The following SLC16A10 variants were observed in gnomAD, a reference collection of about 807,000 sequenced individuals.
SLC16A10 encodes solute carrier family 16 member 10.
A neutral mutation model predicts 40.0 loss-of-function variants in SLC16A10; 27 were observed. The observed-to-expected ratio is 0.67, with a 90% CI of 0.50 to 0.93. The LOEUF is 0.93. Ranked by LOEUF, SLC16A10 falls within the 40% of genes least tolerant of loss-of-function variation. The pLI is 0.00. For missense variants in SLC16A10, 529 were observed against 658.2 expected (o/e 0.80, Z 2.15); for synonymous variants, 213 against 249.8 (o/e 0.85, Z 1.39).
At chr6:111,088,220 G>A in intron 1 of SLC16A10, 125 bp downstream of exon 1, 1 of 925,254 alleles carries the variant, frequency 1.1e-6, no homozygotes, top group East Asian at 3.0e-5. Context: ...CAGAGGGTGC[G>A]AGCAGGGGGG....
intron 1 of SLC16A10, among the ~76,000 whole-genome samples, chr6:111,093,394 G>C (rs1021579461): frequency 6.6e-6 from 1 of 152,182 alleles, no homozygotes; most frequent in Non-Finnish European, 1.5e-5. Flanking sequence ...GTAGCATTTA[G>C]GGATGAATGA....
In SLC16A10 at chr6:111,163,363, G is replaced by A. The variant is rs567048185; in HGVS notation, c.344-9332G>A. Among the ~76,000 whole-genome samples the A allele has an allele frequency of 6.3e-3, 960 of 151,232 alleles. 2 individuals are homozygous for A. The highest frequency in any genetic ancestry group is 0.024 in the Middle Eastern group (7 of 292). On this transcript the variant is annotated intron_variant, in intron 1 of 5. Coordinates refer to ENST00000368851, the MANE Select transcript of SLC16A10 (RefSeq NM_018593.5). Reference sequence around the variant, plus strand: ...GAGACGGGGTTTCACCGTTTTAGCCGGGATGGTCTCGATCTCCTGACCTCG... The same window carrying A: ...GAGACGGGGTTTCACCGTTTTAGCCAGGATGGTCTCGATCTCCTGACCTCG...
intron 4 of SLC16A10, among the ~76,000 whole-genome samples, chr6:111,217,155 T>C (rs1773438942): frequency 6.6e-6 from 1 of 152,262 alleles, no homozygotes; most frequent in South Asian, 2.1e-4. Flanking sequence ...AGCCTGCTGC[T>C]GCCCCCGTGG....
intron 3 of SLC16A10, among the ~76,000 whole-genome samples, chr6:111,189,629 G>C (rs1054327646): frequency 6.6e-6 from 1 of 152,136 alleles, no homozygotes; most frequent in South Asian, 2.1e-4. Context: ...GGCTGGGTAG[G>C]CTTCACAGTC....
At chr6:111,213,465 G>T (rs1169339562) in intron 4 of SLC16A10, among the ~76,000 whole-genome samples, 3 of 152,188 alleles carry the variant, frequency 2.0e-5, no homozygotes, top group Non-Finnish European at 4.4e-5. Context: ...TCCGGTTCAG[G>T]TAGAATGAAT....
chr6:111,090,114 C>T (rs1266049998), intron 1 of SLC16A10, among the ~76,000 whole-genome samples: 4 of 151,676 alleles, frequency 2.6e-5, no homozygotes, highest in Non-Finnish European at 4.4e-5. Flanking sequence ...TTTTCTTTTG[C>T]ACTCTGTGGA....
intron 1 of SLC16A10, among the ~76,000 whole-genome samples, chr6:111,167,181 C>T (rs9487593): frequency 0.044 from 6,644 of 152,258 alleles, 344 homozygotes; most frequent in African/African-American, 0.13. Context: ...TAGTTGGTCA[C>T]TGCATGTAGA....
intron 1 of SLC16A10, among the ~76,000 whole-genome samples, chr6:111,114,014 G>C (rs970949276): frequency 6.6e-6 from 1 of 152,142 alleles, no homozygotes; most frequent in Non-Finnish European, 1.5e-5. Context: ...ATCAAATTTA[G>C]TTATTCAGAC....
At chr6:111,150,627 T>C (rs1241525777) in intron 1 of SLC16A10, among the ~76,000 whole-genome samples, 4 of 152,182 alleles carry the variant, frequency 2.6e-5, no homozygotes, top group Non-Finnish European at 2.9e-5. Flanking sequence ...ATCAGAGAAT[T>C]TGGACCTCCT....
At chr6:111,196,304 C>T (rs1773079248) in intron 3 of SLC16A10, among the ~76,000 whole-genome samples, 1 of 152,076 alleles carries the variant, frequency 6.6e-6, no homozygotes, top group Non-Finnish European at 1.5e-5. Context: ...CACCACTGCA[C>T]TGCAGCCTGG....
chr6:111,116,894 A>G (rs929574163), intron 1 of SLC16A10, among the ~76,000 whole-genome samples: 1 of 152,194 alleles, frequency 6.6e-6, no homozygotes, highest in Non-Finnish European at 1.5e-5. Flanking sequence ...GGGATACTAG[A>G]AAACTAAAAG....
intron 2 of SLC16A10, among the ~76,000 whole-genome samples, chr6:111,175,342 A>G (rs1334333424): frequency 1.3e-5 from 2 of 152,188 alleles, no homozygotes; most frequent in African/African-American, 4.8e-5. Flanking sequence ...TAAAGCTCAT[A>G]TACTTCACTC....
intron 1 of SLC16A10, among the ~76,000 whole-genome samples, chr6:111,092,390 G>A (rs1039808370): frequency 1.4e-5 from 2 of 146,680 alleles, no homozygotes; most frequent in African/African-American, 5.2e-5. Flanking sequence ...CACCATCTCG[G>A]CTCACTGCAA....
intron 1 of SLC16A10, among the ~76,000 whole-genome samples, chr6:111,138,062 T>G (rs1771914654): frequency 6.6e-6 from 1 of 152,182 alleles, no homozygotes; most frequent in South Asian, 2.1e-4. Flanking sequence ...CTATTAAATC[T>G]TGCAACTGCA....
chr6:111,125,480 A>T (rs1202592031), intron 1 of SLC16A10, among the ~76,000 whole-genome samples: 1 of 151,602 alleles, frequency 6.6e-6, no homozygotes, highest in South Asian at 2.1e-4. Flanking sequence ...TCATTGAAAA[A>T]CTCTGACTTA....
chr6:111,139,449 G>A lies in SLC16A10; in HGVS notation c.344-33246G>A, dbSNP rs375107065. Reference sequence around the variant, plus strand: ...CCTGAGTAGCTGGGACTACAGGCGCGTGCCACCACATCCAGCTAATTTTTT... The same window carrying A: ...CCTGAGTAGCTGGGACTACAGGCGCATGCCACCACATCCAGCTAATTTTTT... On this transcript the variant is annotated intron_variant, in intron 1 of 5. Coordinates refer to ENST00000368851, the MANE Select transcript of SLC16A10 (RefSeq NM_018593.5). 7.9e-5 allele frequency among the ~76,000 whole-genome samples: 12 copies of A among 152,038 alleles called. No homozygotes were observed. The East Asian group carries it at 1.9e-3, about 25-fold the overall frequency.
chr6:111,125,976 G>A (rs893576555), intron 1 of SLC16A10, among the ~76,000 whole-genome samples: 13 of 152,156 alleles, frequency 8.5e-5, no homozygotes, highest in Non-Finnish European at 1.8e-4. Flanking sequence ...TAAATTCTTA[G>A]AGAAGACAGA....
chr6:111,097,885 A>C (rs1771102399), intron 1 of SLC16A10, among the ~76,000 whole-genome samples: 1 of 152,144 alleles, frequency 6.6e-6, no homozygotes, highest in African/African-American at 2.4e-5. Flanking sequence ...GATTAAATTA[A>C]TGGATAAAAG....
intron 1 of SLC16A10, among the ~76,000 whole-genome samples, chr6:111,141,134 T>A (rs986504016): frequency 4.6e-5 from 7 of 152,206 alleles, no homozygotes; most frequent in African/African-American, 1.7e-4. Flanking sequence ...TTAGTATTCC[T>A]TTGATAGGGA....
Sources: allele counts gnomAD v4.1 joint callset (sites outside exome capture counted in the v4.1 genomes callset), GRCh38; gene constraint gnomAD v4.1.1; transcripts MANE v1.5; gene names NCBI Gene and HGNC (gene_info 2026-07-23, HGNC 2026-07-21).